Variants in CRPPA observed in about 807,000 individuals in gnomAD.
CRPPA encodes CDP-L-ribitol pyrophosphorylase A.
A neutral mutation model predicts 52.0 loss-of-function variants in CRPPA; 43 were observed. The ratio of observed to expected loss-of-function variants is 0.83; its 90% CI spans 0.65 to 1.07. The LOEUF is 1.07. Ranked by LOEUF, CRPPA falls within the 50% of genes least tolerant of loss-of-function variation. The probability of loss-of-function intolerance (pLI) is 0.00; values close to 1 mark genes in which losing one functional copy is unlikely to be tolerated. For missense variants in CRPPA, 629 were observed against 551.7 expected, an observed-to-expected ratio of 1.14 and a Z score of -1.40; for synonymous variants, 250 against 203.5, an observed-to-expected ratio of 1.23 and a Z score of -1.94.
At chr7:16,305,504 G>A (rs528613869) in intron 4 of CRPPA, among the ~76,000 whole-genome samples, 6 of 152,188 alleles carry the variant, frequency 3.9e-5, no homozygotes, top group African/African-American at 9.6e-5. Context: ...TGGGGGGATC[G>A]CCCTTTCAGC....
In CRPPA at chr7:16,245,459, T is replaced by C. The variant is rs148269077; in HGVS notation, c.1119+12931A>G. ...AAAAAGGATGAAGCCTGATCAGTCA[T>C]ATTCACAATCACTGACAGGACAATT... On this transcript the variant is annotated intron_variant, in intron 8 of 9. Coordinates refer to ENST00000407010, the MANE Select transcript of CRPPA (RefSeq NM_001101426.4). Among the ~76,000 whole-genome samples the C allele has an allele frequency of 6.5e-3, 997 of 152,304 alleles. 4 individuals carry two copies. The highest frequency in any genetic ancestry group is 0.017 in the South Asian group (80 of 4,830).
intron 9 of CRPPA, among the ~76,000 whole-genome samples, chr7:16,199,302 G>GACAACACCACGCCCAGT (rs1781800391): frequency 6.6e-6 from 1 of 152,038 alleles, no homozygotes; most frequent in Non-Finnish European, 1.5e-5. Context: ...TACCCTATCA[G>GACAACACCACGCCCAGT]TAGTTACTAA....
intron 1 of CRPPA, among the ~76,000 whole-genome samples, chr7:16,414,442 A>G (rs1280670767): frequency 1.3e-5 from 2 of 151,882 alleles, no homozygotes; most frequent in Non-Finnish European, 2.9e-5. Context: ...CAGAAATTAG[A>G]TTACTGGCAG....
chr7:16,146,465 T>C (rs532142502), intron 9 of CRPPA, among the ~76,000 whole-genome samples: 1 of 152,208 alleles, frequency 6.6e-6, no homozygotes, highest in South Asian at 2.1e-4. Flanking sequence ...GATAAGTATA[T>C]AATCAAACTC....
intron 3 of CRPPA, among the ~76,000 whole-genome samples, chr7:16,373,462 T>C (rs1026077262): frequency 2.6e-4 from 39 of 152,180 alleles, no homozygotes; most frequent in African/African-American, 8.2e-4. Flanking sequence ...ACCAGGCAGA[T>C]TGCTAAGAAG....
At chr7:16,391,778 G>C (rs1197211727) in intron 2 of CRPPA, among the ~76,000 whole-genome samples, 1 of 152,144 alleles carries the variant, frequency 6.6e-6, no homozygotes, top group African/African-American at 2.4e-5. Flanking sequence ...ACCTAGAAAA[G>C]TGCCTAACAC....
chr7:16,417,239 T>C (rs545883347), intron 1 of CRPPA, among the ~76,000 whole-genome samples: 194 of 152,358 alleles, frequency 1.3e-3, no homozygotes, highest in Non-Finnish European at 1.6e-3. Context: ...GTTTGGAGAT[T>C]TCTCAAAGAA....
At chr7:16,397,389 G>T (rs926843216) in intron 2 of CRPPA, among the ~76,000 whole-genome samples, 1 of 152,164 alleles carries the variant, frequency 6.6e-6, no homozygotes, top group Non-Finnish European at 1.5e-5. Context: ...ACATATGACA[G>T]ATGTGACAAC....
intron 3 of CRPPA, among the ~76,000 whole-genome samples, chr7:16,327,578 C>A (rs1408061242): frequency 8.1e-6 from 1 of 123,272 alleles, no homozygotes; most frequent in African/African-American, 3.2e-5. Flanking sequence ...CCGGCCTGGG[C>A]GACAGAGCGA....
intron 3 of CRPPA, among the ~76,000 whole-genome samples, chr7:16,366,534 G>C (rs984007404): frequency 6.6e-6 from 1 of 152,044 alleles, no homozygotes; most frequent in African/African-American, 2.4e-5. Flanking sequence ...TACAGAACTA[G>C]AATCACTTCT....
chr7:16,165,062 C>G (rs773829947), intron 9 of CRPPA, among the ~76,000 whole-genome samples: 2 of 152,098 alleles, frequency 1.3e-5, no homozygotes, highest in Non-Finnish European at 2.9e-5. Context: ...TCACAGCTGG[C>G]AGGTAGGAAC....
chr7:16,275,030 C>A (rs1784171510), intron 6 of CRPPA, among the ~76,000 whole-genome samples: 1 of 151,926 alleles, frequency 6.6e-6, no homozygotes, highest in East Asian at 1.9e-4. Flanking sequence ...GAGCTGAGAC[C>A]ATGCCACTGC....
At chr7:16,212,736 T>C (rs190954650) in intron 9 of CRPPA, among the ~76,000 whole-genome samples, 125 of 152,300 alleles carry the variant, frequency 8.2e-4, no homozygotes, top group South Asian at 1.9e-3. Context: ...TAGGCTTTAA[T>C]GTGGAAGTTC....
At chr7:16,297,083 C>T (rs1784689478) in intron 5 of CRPPA, among the ~76,000 whole-genome samples, 1 of 152,112 alleles carries the variant, frequency 6.6e-6, no homozygotes, top group South Asian at 2.1e-4. Context: ...ATCAGAGGTA[C>T]AAAATGGACA....
chr7:16,253,165 C>A lies in CRPPA; in HGVS notation c.1119+5225G>T, dbSNP rs186413902. On this transcript the variant is annotated intron_variant, in intron 8 of 9. Transcript: ENST00000407010. The stretch of plus-strand genomic sequence containing the variant: ...CTGCTAGCTTTTGAATGTGTTTGCT[C>A]AAGCTTCTCTAGTTCTTTTAATTGT... 3.8e-3 allele frequency among the ~76,000 whole-genome samples: 577 copies of A among 152,232 alleles called. 3 individuals carry two copies. Among genetic ancestry groups the A allele is most frequent in the Non-Finnish European group, 7.1e-3 (482 of 68,014 alleles).
At position 16,421,139 on chromosome 7, in the gene CRPPA, C is replaced by A; in HGVS notation, c.184G>T (p.Val62Phe). The A allele has an allele frequency of 1.5e-6, 2 of 1,332,058 alleles. No homozygotes were observed. Among genetic ancestry groups the A allele is most frequent in the East Asian group, 3.1e-5 (1 of 32,226 alleles). The allele number at this position is 1,332,058 out of a possible 1,614,324, so 82.5% of individuals were successfully genotyped here. Residue 62 changes from valine (V) to phenylalanine (F), a missense_variant, in exon 1 of 10, where the codon GTC becomes TTC. Coordinates refer to ENST00000407010, the MANE Select transcript of CRPPA (RefSeq NM_001101426.4). ...GGGCAGAATTGCTTCGGGGTGGGGACCCCCATCCTCTCCCCGCACCCCCCG... is the reference window on the plus strand; with the variant it reads ...GGGCAGAATTGCTTCGGGGTGGGGAACCCCATCCTCTCCCCGCACCCCCCG... ...PAGGCGERMG[V>F]PTPKQFCPIL...
chr7:16,248,918 G>A (rs1461937271), intron 8 of CRPPA, among the ~76,000 whole-genome samples: 1 of 152,100 alleles, frequency 6.6e-6, no homozygotes, highest in South Asian at 2.1e-4. Flanking sequence ...TCCCTCCAAT[G>A]TTTGGCTCAG....
At chr7:16,397,919 C>A (rs563870990) in intron 2 of CRPPA, among the ~76,000 whole-genome samples, 1 of 152,224 alleles carries the variant, frequency 6.6e-6, no homozygotes, top group South Asian at 2.1e-4. Context: ...GTGACCAACA[C>A]AACTGGCAGG....
chr7:16,352,879 GCACACACACACACACACA>G (rs56733439), intron 3 of CRPPA, among the ~76,000 whole-genome samples: 36,958 of 142,388 alleles, frequency 0.26, 4,934 homozygotes, highest in Admixed American at 0.33. Context: ...AAGTAACATG[GCACACACACACACACACA>G]CACACACACA....
Sources: gnomAD v4.1 joint callset for allele counts (sites outside exome capture counted in the v4.1 genomes callset) on GRCh38, gnomAD v4.1.1 for gene constraint, MANE v1.5 for transcripts, NCBI Gene and HGNC (gene_info 2026-07-23, HGNC 2026-07-21) for gene names.